ANK3: variants seen among roughly 807,000 people sequenced by gnomAD.
ANK3 encodes the protein ankyrin-3.
In ANK3, 57 loss-of-function variants were observed where a neutral mutation model predicts 370.9. The observed-to-expected ratio is 0.15, with a 90% CI of 0.12 to 0.19. The LOEUF is 0.19. Ranked by LOEUF, ANK3 falls within the 10% of genes least tolerant of loss-of-function variation. The pLI, the probability that ANK3 is intolerant of heterozygous loss-of-function variation, is 1.00. For missense variants in ANK3, 4,439 were observed against 5,302.1 expected (o/e 0.84, Z 5.06); for synonymous variants, 1,929 against 1,946.3 (o/e 0.99, Z 0.23).
chr10:60,390,573 G>A (rs538638154), upstream of ANK3, among the ~76,000 whole-genome samples: 26 of 152,170 alleles, frequency 1.7e-4, no homozygotes, highest in South Asian at 2.7e-3. Context: ...AAGGCCTGCT[G>A]GGGTGTCTTC....
chr10:60,489,946 T>C (rs10994380), intron 2 of ANK3, among the ~76,000 whole-genome samples: 19,805 of 152,152 alleles, frequency 0.13, 1,507 homozygotes, highest in African/African-American at 0.21. Flanking sequence ...GAACAGGCCA[T>C]AACAAACTAA....
At chr10:60,387,046 G>T (rs972885693) in intron 1 of ANK3, among the ~76,000 whole-genome samples, 1 of 152,040 alleles carries the variant, frequency 6.6e-6, no homozygotes, top group South Asian at 2.1e-4. Flanking sequence ...TGTAATCTCA[G>T]CTACTAAGGA....
At chr10:60,227,180 C>T (rs1045660041) in intron 8 of ANK3, among the ~76,000 whole-genome samples, 8 of 151,430 alleles carry the variant, frequency 5.3e-5, no homozygotes, top group Admixed American at 1.3e-4. Context: ...ATATAAATAC[C>T]TTTTTTACTA....
At chr10:60,215,376 G>A (rs2096921448) in intron 8 of ANK3, among the ~76,000 whole-genome samples, 1 of 152,046 alleles carries the variant, frequency 6.6e-6, no homozygotes, top group African/African-American at 2.4e-5. Context: ...GATCTCATTT[G>A]TCAAATTTAG....
At chr10:60,395,314 T>C (rs982674986) in intron 2 of ANK3, among the ~76,000 whole-genome samples, 8 of 152,176 alleles carry the variant, frequency 5.3e-5, no homozygotes, top group African/African-American at 1.4e-4. Context: ...ATGTGTTCAG[T>C]TAAATAAAAC....
intron 1 of ANK3, among the ~76,000 whole-genome samples, chr10:60,289,983 T>C (rs1566299860): frequency 6.6e-6 from 1 of 152,180 alleles, no homozygotes; most frequent in South Asian, 2.1e-4. Context: ...GGGTGGATTT[T>C]TTTTTCCTAT....
rs367572644 is a variant in ANK3 at position 60,692,669 on chromosome 10, G to A, written c.57+40594C>T. 1.9e-4 allele frequency among the ~76,000 whole-genome samples: 29 copies of A among 152,232 alleles called. 1 individual carries two copies. In the South Asian group the frequency reaches 6.0e-3, roughly 32 times the overall value. Reference sequence around the variant, plus strand: ...ATAAAGGGACAATTCAAATTTTACTGCAGTCAACTTAATAAGGTAAAATCA... The same window carrying A: ...ATAAAGGGACAATTCAAATTTTACTACAGTCAACTTAATAAGGTAAAATCA... On this transcript the variant is annotated intron_variant, in intron 1 of 43. Transcript: ENST00000373827.
At chr10:60,060,242 T>G in intron 40 of ANK3, 1 of 338,320 alleles carries the variant, frequency 3.0e-6, no homozygotes. Flanking sequence ...GTTTTGGAAA[T>G]TATGATACAA....
At chr10:60,482,675 C>T (rs2075255814) in intron 2 of ANK3, among the ~76,000 whole-genome samples, 1 of 151,978 alleles carries the variant, frequency 6.6e-6, no homozygotes, top group South Asian at 2.1e-4. Context: ...TTTGTAGGGA[C>T]CAGGTTTCAC....
chr10:60,415,241 T>C (rs1270792364), intron 2 of ANK3, among the ~76,000 whole-genome samples: 2 of 152,124 alleles, frequency 1.3e-5, no homozygotes, highest in Non-Finnish European at 1.5e-5. Context: ...CTACAAGGAC[T>C]TGTGGAAGGA....
Position 60,300,297 on chromosome 10 carries a change from T to C in ANK3, c.115-20658A>G, listed in dbSNP as rs1222752491. 4 of 1,218,700 alleles carry C rather than the reference T, an allele frequency of 3.3e-6. No individual in the cohort carries two copies. In the East Asian group the frequency reaches 2.3e-4, roughly 69 times the overall value. The allele number at this position is 1,218,700 out of a possible 1,614,324, so 75.5% of individuals were successfully genotyped here. A position where few individuals can be genotyped will look rare whatever the true frequency, so the allele number is the denominator to read the frequency against. On this transcript the variant is annotated intron_variant, in intron 1 of 43. Coordinates refer to ENST00000280772, the MANE Select transcript of ANK3 (RefSeq NM_020987.5). Reference sequence around the variant, plus strand: ...ACTTCTATAAGGAAAGTACATTTCATTTAGGAGCTGTAAATGCTTACTTGT... The same window carrying C: ...ACTTCTATAAGGAAAGTACATTTCACTTAGGAGCTGTAAATGCTTACTTGT...
intron 1 of ANK3, among the ~76,000 whole-genome samples, chr10:60,673,332 T>C (rs1032341357): frequency 2.0e-5 from 3 of 150,844 alleles, no homozygotes; most frequent in African/African-American, 7.3e-5. Flanking sequence ...CTTTAATTTT[T>C]ACCTCTCTTC....
intron 2 of ANK3, among the ~76,000 whole-genome samples, chr10:60,511,210 T>C (rs1238128477): frequency 3.9e-5 from 6 of 152,170 alleles, no homozygotes; most frequent in Non-Finnish European, 8.8e-5. Flanking sequence ...TTAATCCTTA[T>C]TTATCTCCTT....
At chr10:60,695,912 T>C (rs2079441418) in intron 1 of ANK3, among the ~76,000 whole-genome samples, 1 of 150,034 alleles carries the variant, frequency 6.7e-6, no homozygotes, top group Non-Finnish European at 1.5e-5. Flanking sequence ...AGAGCAGAAC[T>C]GAAGGAAATA....
chr10:60,728,369 C>T (rs1038471580), intron 1 of ANK3, among the ~76,000 whole-genome samples: 1 of 152,258 alleles, frequency 6.6e-6, no homozygotes, highest in African/African-American at 2.4e-5. Context: ...GTCTAAGATG[C>T]CATCAATCGT....
chr10:60,213,109 T>A (rs2096882348), intron 9 of ANK3, among the ~76,000 whole-genome samples: 1 of 152,066 alleles, frequency 6.6e-6, no homozygotes, highest in Non-Finnish European at 1.5e-5. Context: ...AGAACTTTAG[T>A]CTTTCTTAAC....
intron 1 of ANK3, among the ~76,000 whole-genome samples, chr10:60,362,042 G>C (rs1182600172): frequency 6.6e-6 from 1 of 152,020 alleles, no homozygotes; most frequent in Non-Finnish European, 1.5e-5. Context: ...CATAATTTCA[G>C]CTTTGTAAGC....
chr10:60,654,273 A>G (rs2078832632), intron 1 of ANK3, among the ~76,000 whole-genome samples: 1 of 152,126 alleles, frequency 6.6e-6, no homozygotes, highest in Non-Finnish European at 1.5e-5. Flanking sequence ...AGACAGTTTT[A>G]CTTCTTTCCA....
At chr10:60,550,124 T>C (rs1416299863) in intron 2 of ANK3, among the ~76,000 whole-genome samples, 2 of 152,040 alleles carry the variant, frequency 1.3e-5, no homozygotes, top group African/African-American at 2.4e-5. Flanking sequence ...ATCACAACAG[T>C]AAAATCATAT....
Sources: gnomAD v4.1 joint callset for allele counts (sites outside exome capture counted in the v4.1 genomes callset) on GRCh38, gnomAD v4.1.1 for gene constraint, MANE v1.5 for transcripts, NCBI Gene and HGNC (gene_info 2026-07-23, HGNC 2026-07-21) for gene names.